Variants in CLPTM1 observed in about 807,000 individuals in gnomAD.
CLPTM1 encodes the protein CLPTM1 regulator of GABA type A receptor forward trafficking, also known as putative lipid scramblase CLPTM1.
Under a neutral mutation model 77.3 loss-of-function variants are expected in CLPTM1, and 21 were observed. That is an observed-to-expected ratio of 0.27 (90% confidence interval 0.19 to 0.39). CLPTM1 has a LOEUF of 0.39. CLPTM1 is among the 10% of genes least tolerant of loss of function. The pLI is 1.00. For synonymous variants in CLPTM1, 373 were observed against 381.0 expected (o/e 0.98, Z 0.24); for missense variants, 642 against 921.2 (o/e 0.70, Z 3.92).
intron 5 of CLPTM1, among the ~76,000 whole-genome samples, chr19:44,982,271 C>T (rs972912973): frequency 6.6e-6 from 1 of 151,786 alleles, no homozygotes; most frequent in African/African-American, 2.4e-5. Flanking sequence ...ATCACTTGAA[C>T]CCAGAAGGCA....
At chr19:44,979,115 G>A (rs1568386482) in intron 5 of CLPTM1, among the ~76,000 whole-genome samples, 1 of 151,900 alleles carries the variant, frequency 6.6e-6, no homozygotes, top group Non-Finnish European at 1.5e-5. Flanking sequence ...AAATAGCTGG[G>A]ACTACAGGCA....
At chr19:44,980,797 A>T (rs1224583589) in intron 5 of CLPTM1, among the ~76,000 whole-genome samples, 2 of 151,494 alleles carry the variant, frequency 1.3e-5, no homozygotes, top group Non-Finnish European at 2.9e-5. Context: ...TACAAAAAAA[A>T]ATTTTATTTT....
At chr19:44,982,075 A>T (rs1048694343) in intron 5 of CLPTM1, among the ~76,000 whole-genome samples, 1 of 149,798 alleles carries the variant, frequency 6.7e-6, no homozygotes, top group Non-Finnish European at 1.5e-5. Flanking sequence ...GTGACTGGGC[A>T]CGGTGGCTCA....
chr19:44,969,261 GT>G (rs1970681533), intron 2 of CLPTM1, among the ~76,000 whole-genome samples: 1 of 152,058 alleles, frequency 6.6e-6, no homozygotes, highest in Non-Finnish European at 1.5e-5. Context: ...AGTAGGCACT[GT>G]TATTATCCCC....
Position 44,973,108 on chromosome 19 carries a change from C to T in CLPTM1, c.207C>T (p.Ile69=), listed in dbSNP as rs748937869. 2 of 1,613,838 alleles carry T rather than the reference C, an allele frequency of 1.2e-6. No individual in the cohort carries two copies. Among genetic ancestry groups the T allele is most frequent in the East Asian group, 2.2e-5 (1 of 44,888 alleles). ...TCAGGATCTTCATCATCTGGGCCAT[C>T]AGCAGTTGGTTCCGCCGAGGGCCGG... ...VLFRIFIIWA[I]SSWFRRGPAP... is the part of the protein sequence containing the mutation. The change falls in exon 3 of 14, where the codon ATC becomes ATT. Residue 69 remains isoleucine, a synonymous_variant. Transcript: ENST00000337392.
intron 4 of CLPTM1, among the ~76,000 whole-genome samples, chr19:44,976,956 G>C (rs1285082482): frequency 1.3e-5 from 2 of 152,186 alleles, no homozygotes; most frequent in Non-Finnish European, 2.9e-5. Context: ...GCCCATAGTA[G>C]GAGCTCCATG....
chr19:44,962,836 C>T lies in CLPTM1; in HGVS notation c.185+761C>T, dbSNP rs559093018. Among the ~76,000 whole-genome samples the T allele has an allele frequency of 2.0e-5, 3 of 151,776 alleles. No individual in the cohort carries two copies. The South Asian group carries it at 6.3e-4, about 32-fold the overall frequency. On this transcript the variant is annotated intron_variant, in intron 2 of 13. Coordinates refer to ENST00000337392, the MANE Select transcript of CLPTM1 (RefSeq NM_001294.4). The stretch of plus-strand genomic sequence containing the variant: ...ATCCCAGCACTTTGGGAGGCCGAGG[C>T]GGGTGGATCACGAGGTCAAGAGATC...
intron 1 of CLPTM1, among the ~76,000 whole-genome samples, chr19:44,957,854 T>C (rs1970487294): frequency 6.6e-6 from 1 of 152,246 alleles, no homozygotes; most frequent in Admixed American, 6.5e-5. Context: ...GTCTACTCCA[T>C]GCTAGGCCTT....
chr19:44,992,351 C>T lies in CLPTM1; in HGVS notation c.1674C>T (p.Ala558=), dbSNP rs1245864918. The T allele has an allele frequency of 6.2e-7, 1 of 1,614,182 alleles. No homozygotes were observed. The highest frequency in any genetic ancestry group is 1.7e-5 in the Admixed American group (1 of 60,018). The change falls in exon 13 of 14, where the codon GCC becomes GCT. Residue 558 remains alanine (A), a synonymous_variant. Coordinates refer to ENST00000337392, the MANE Select transcript of CLPTM1 (RefSeq NM_001294.4). The surrounding 1 kb of genome is among the most constrained non-coding windows in gnomAD (Gnocchi z 7.7). ...ACACATTCATCGACGACCTGTTCGC[C>T]TTTGTCATCAAGATGCCCGTTATGT... ...ALNTFIDDLF[A]FVIKMPVMYR...
At chr19:44,964,464 C>T (rs1437119189) in intron 2 of CLPTM1, among the ~76,000 whole-genome samples, 2 of 151,760 alleles carry the variant, frequency 1.3e-5, no homozygotes, top group East Asian at 3.9e-4. Context: ...GCACCTGCCA[C>T]CACGCCTGGC....
chr19:44,981,629 G>A (rs1970898585), intron 5 of CLPTM1, among the ~76,000 whole-genome samples: 1 of 151,740 alleles, frequency 6.6e-6, no homozygotes, highest in Admixed American at 6.6e-5. Context: ...AAAAAGGTAA[G>A]GCCAGGGCCG....
Position 44,987,269 on chromosome 19 carries a change from A to G in CLPTM1, c.884A>G (p.Asn295Ser). ...CTGCAGAAGGACTACTACCCCATCA[A>G]CGAGAGCCTGGCCAGCCTGCCGCTC... ...WNLQKDYYPI[N>S]ESLASLPLRV... The change falls in exon 8 of 14, where the codon AAC becomes AGC. Residue 295 changes from asparagine (N) to serine (S), a missense_variant. Physicochemically the swap from Asn to Ser is conservative, Grantham distance 46 (BLOSUM62 1). This residue lies in a region of CLPTM1 where 521 missense variants were observed against 800.4 expected (regional missense o/e 0.65). Coordinates refer to ENST00000337392, the MANE Select transcript of CLPTM1 (RefSeq NM_001294.4). 1 of 1,614,138 alleles carries G rather than the reference A, an allele frequency of 6.2e-7. No individual in the cohort carries two copies. Among genetic ancestry groups the G allele is most frequent in the Non-Finnish European group, 8.5e-7 (1 of 1,180,006 alleles).
Position 44,991,853 on chromosome 19 carries a change from C to T in CLPTM1, c.1556-380C>T, listed in dbSNP as rs1459225605. ...CCAGGAGGTTGAAGCTGCAGTGAGC[C>T]ATGATTACGCCACTGCACTCCAGCC... On this transcript the variant is annotated intron_variant, in intron 12 of 13. Transcript: ENST00000337392. The surrounding 1 kb of genome is among the most constrained non-coding windows in gnomAD (Gnocchi z 5.4). Among the ~76,000 whole-genome samples the T allele has an allele frequency of 6.6e-6, 1 of 151,986 alleles. No individual in the cohort carries two copies. The highest frequency in any genetic ancestry group is 1.5e-5 in the Non-Finnish European group (1 of 67,998).
chr19:44,955,440 G>T lies in CLPTM1; in HGVS notation c.45G>T (p.Val15=). ...CGGACGGGGCCCGCAGCGCCGTGGT[G>T]GCGGCCGGGGGAGGCAGCTCCGGTC... The part of the protein sequence containing the change: ...QEADGARSAV[V]AAGGGSSGQV... Residue 15 remains valine (V), a synonymous_variant, in exon 1 of 14, where the codon GTG becomes GTT. Transcript: ENST00000337392. 1 of 1,334,556 alleles carries T rather than the reference G, an allele frequency of 7.5e-7. No individual in the cohort carries two copies. The allele number at this position is 1,334,556 out of a possible 1,614,324, so 82.7% of individuals were successfully genotyped here. A position where few individuals can be genotyped will look rare whatever the true frequency, so the allele number is the denominator to read the frequency against.
rs2122347923 is a variant in CLPTM1 at position 44,992,992 on chromosome 19, A to C, written c.*95A>C. 4 of 1,453,942 alleles carry C rather than the reference A, an allele frequency of 2.8e-6. No individual in the cohort carries two copies. Among genetic ancestry groups the C allele is most frequent in the Non-Finnish European group, 2.8e-6 (3 of 1,066,660 alleles). 90.1% of individuals were successfully genotyped at this position (1,453,942 alleles called of 1,614,324 possible). ...CCTCCCTGTCGCCCTTTCCCTGGAC[A>C]GATCAGGCCGGGGCGGTGGGAGGCC... On this transcript the variant is annotated 3_prime_UTR_variant, in exon 14 of 14. Transcript: ENST00000337392. This position sits in a 1 kb window ranked among gnomAD's most constrained non-coding sequence, Gnocchi z 7.7.
intron 4 of CLPTM1, among the ~76,000 whole-genome samples, chr19:44,975,877 T>G: frequency 6.6e-6 from 1 of 152,120 alleles, no homozygotes; most frequent in Non-Finnish European, 1.5e-5. Flanking sequence ...ATTCTTTTCT[T>G]TTTGAGATGG....
At chr19:44,971,697 T>C (rs1258544531) in intron 2 of CLPTM1, among the ~76,000 whole-genome samples, 1 of 152,032 alleles carries the variant, frequency 6.6e-6, no homozygotes, top group Non-Finnish European at 1.5e-5. Context: ...TAGCTGGGAC[T>C]ACAGGCATGG....
chr19:44,965,995 G>A (rs1437251189), intron 2 of CLPTM1, among the ~76,000 whole-genome samples: 3 of 152,212 alleles, frequency 2.0e-5, no homozygotes, highest in Non-Finnish European at 4.4e-5. Flanking sequence ...ATGGGGGGCA[G>A]CTACTTATCT....
At chr19:44,956,850 C>A (rs1236705971) in intron 1 of CLPTM1, among the ~76,000 whole-genome samples, 2 of 152,182 alleles carry the variant, frequency 1.3e-5, no homozygotes, top group Non-Finnish European at 2.9e-5. Context: ...AGTACAAATT[C>A]TTTAATAAAT....
Sources: gnomAD v4.1 joint callset for allele counts (sites outside exome capture counted in the v4.1 genomes callset) on GRCh38, gnomAD v4.1.1 for gene constraint, gnomAD v4.1.1 regional missense constraint, Gnocchi (gnomAD v3.1) non-coding constraint, MANE v1.5 for transcripts, NCBI Gene and HGNC (gene_info 2026-07-23, HGNC 2026-07-21) for gene names.